NRP1: variants seen among roughly 807,000 people sequenced by gnomAD.
NRP1 encodes the protein neuropilin 1, also known as neuropilin-1.
In NRP1, 35 loss-of-function variants were observed where a neutral mutation model predicts 106.7. The observed-to-expected ratio is 0.33, with a 90% confidence interval of 0.25 to 0.43. The LOEUF (loss-of-function observed/expected upper bound fraction) is 0.43. Among genes scored for constraint, NRP1 ranks in the 20% least tolerant of loss-of-function variants. The pLI is 1.00. For missense variants in NRP1, 1,024 were observed against 1,170.4 expected, an observed-to-expected ratio of 0.87 and a Z score of 1.83; for synonymous variants, 437 against 417.9, an observed-to-expected ratio of 1.05 and a Z score of -0.56.
intron 2 of NRP1, among the ~76,000 whole-genome samples, chr10:33,291,116 C>A (rs1011259523): frequency 7.2e-5 from 11 of 152,138 alleles, no homozygotes; most frequent in African/African-American, 2.4e-4. Flanking sequence ...AGAAAGCAAC[C>A]TTTATTCAGG....
chr10:33,189,214 G>A (rs1836240794), intron 13 of NRP1, among the ~76,000 whole-genome samples: 1 of 151,916 alleles, frequency 6.6e-6, no homozygotes, highest in Non-Finnish European at 1.5e-5. Flanking sequence ...GAAAATGGAA[G>A]GAATCCAATT....
intron 2 of NRP1, among the ~76,000 whole-genome samples, chr10:33,296,804 G>A (rs373291038): frequency 1.3e-5 from 2 of 152,094 alleles, no homozygotes; most frequent in Admixed American, 6.5e-5. Context: ...TGAGGCAGAT[G>A]GATCATCTGA....
At chr10:33,256,661 A>G (rs1001125646) in intron 4 of NRP1, among the ~76,000 whole-genome samples, 190 bp from the exon 5 acceptor site, 4 of 152,226 alleles carry the variant, frequency 2.6e-5, no homozygotes, top group Non-Finnish European at 4.4e-5. Context: ...TTTAAAGTGT[A>G]CTCAGAAGGG....
chr10:33,299,568 CAGG>C (rs1845654944), intron 2 of NRP1, among the ~76,000 whole-genome samples: 1 of 152,118 alleles, frequency 6.6e-6, no homozygotes, highest in Non-Finnish European at 1.5e-5. Context: ...TGCTTGCGGC[CAGG>C]AGGTCAAGAC....
At chr10:33,245,867 C>G (rs889604920) in intron 6 of NRP1, among the ~76,000 whole-genome samples, 1 of 152,086 alleles carries the variant, frequency 6.6e-6, no homozygotes, top group African/African-American at 2.4e-5. Flanking sequence ...CAGTAAGAAA[C>G]CAAAACTGTA....
chr10:33,185,065 C>A (rs867252188), intron 15 of NRP1, among the ~76,000 whole-genome samples: 1 of 152,150 alleles, frequency 6.6e-6, no homozygotes, highest in Non-Finnish European at 1.5e-5. Flanking sequence ...TAGTACAAGA[C>A]CCATAAAGAC....
intron 10 of NRP1, among the ~76,000 whole-genome samples, chr10:33,205,240 C>T (rs1310751389): frequency 6.6e-6 from 1 of 152,184 alleles, no homozygotes; most frequent in South Asian, 2.1e-4. Context: ...AAAGCTTTGA[C>T]ATTACTTTCC....
intron 9 of NRP1, among the ~76,000 whole-genome samples, chr10:33,209,413 C>A (rs747801676): frequency 2.6e-5 from 4 of 152,196 alleles, no homozygotes; most frequent in Admixed American, 6.5e-5. Flanking sequence ...CCTTAACTGG[C>A]GCCCTTAACC....
At position 33,197,903 on chromosome 10, in the gene NRP1, T is replaced by G. The variant is rs11009277; in HGVS notation, c.1865-194A>C. On this transcript the variant is annotated intron_variant, in intron 11 of 16. Coordinates refer to ENST00000374867, the MANE Select transcript of NRP1 (RefSeq NM_003873.7). ...AAATTCAAATAAACCATTATTTTTT[T>G]TTTTTACCTAACGCATTTCTTTTAA... Among the ~76,000 whole-genome samples, 599 of 152,228 alleles carry G rather than the reference T, an allele frequency of 3.9e-3. 4 individuals carry two copies. Among genetic ancestry groups the G allele is most frequent in the African/African-American group, 0.013 (533 of 41,554 alleles).
chr10:33,332,794 T>C (rs1848375565), intron 1 of NRP1, among the ~76,000 whole-genome samples: 1 of 152,192 alleles, frequency 6.6e-6, no homozygotes, highest in Non-Finnish European at 1.5e-5. Context: ...ACTTCAAGCA[T>C]AGCGACATGG....
chr10:33,310,970 G>A lies in NRP1; in HGVS notation c.248+19738C>T, dbSNP rs200507953. Among the ~76,000 whole-genome samples the A allele has an allele frequency of 1.1e-4, 17 of 152,262 alleles. No homozygotes were observed. The East Asian group carries it at 2.9e-3, about 26-fold the overall frequency. ...ACCATAAACCAATTCCAAAAAGTCA[G>A]AGCTGACTTGGTTCAGTCCCCTTTG... On this transcript the variant is annotated intron_variant, in intron 2 of 16. Coordinates refer to ENST00000374867, the MANE Select transcript of NRP1 (RefSeq NM_003873.7).
chr10:33,305,075 A>T (rs1466898747), intron 2 of NRP1, among the ~76,000 whole-genome samples: 1 of 152,248 alleles, frequency 6.6e-6, no homozygotes, highest in African/African-American at 2.4e-5. Context: ...ACTACTCCAT[A>T]GCACATGGGG....
intron 2 of NRP1, among the ~76,000 whole-genome samples, chr10:33,289,616 C>T (rs1280810730): frequency 6.6e-6 from 1 of 152,156 alleles, no homozygotes; most frequent in African/African-American, 2.4e-5. Context: ...GAAATTTGCT[C>T]CACATCAAGT....
chr10:33,184,572 T>C (rs1382263685), intron 15 of NRP1, among the ~76,000 whole-genome samples: 1 of 152,196 alleles, frequency 6.6e-6, no homozygotes, highest in African/African-American at 2.4e-5. Flanking sequence ...GCAGTGTAGA[T>C]ATGGATGTGG....
chr10:33,321,858 A>T (rs984520041), intron 2 of NRP1, among the ~76,000 whole-genome samples: 1 of 152,192 alleles, frequency 6.6e-6, no homozygotes, highest in Non-Finnish European at 1.5e-5. Flanking sequence ...GTGACATAGC[A>T]GTCTATCATA....
chr10:33,185,809 G>T, intron 14 of NRP1, 85 bp from the exon 15 acceptor site: 1 of 1,159,716 alleles, frequency 8.6e-7, no homozygotes, highest in Non-Finnish European at 1.3e-6. Flanking sequence ...CTCCAGCTAC[G>T]GCACATAAAT....
At chr10:33,199,265 T>A (rs572850747) in intron 11 of NRP1, among the ~76,000 whole-genome samples, 1 of 149,986 alleles carries the variant, frequency 6.7e-6, no homozygotes, top group Non-Finnish European at 1.5e-5. Context: ...GGCGCCATCA[T>A]GGCTCACTGT....
rs57582967 is a variant in NRP1, at chr10:33,199,365, T to TTA, written c.1865-1657_1865-1656insTA. ...GTGTGCGCCACCATGCCTGGCTGTT[T>TTA]TCTATATATATATATATATATATAT... On this transcript the variant is annotated intron_variant, in intron 11 of 16. Transcript: ENST00000374867. Among the ~76,000 whole-genome samples the TTA allele has an allele frequency of 3.6e-4, 23 of 64,270 alleles. 2 individuals carry two copies. Among genetic ancestry groups the TTA allele is most frequent in the African/African-American group, 1.2e-3 (23 of 19,446 alleles). 42.2% of individuals were successfully genotyped at this position (64,270 alleles called of 152,430 possible). A position where few individuals can be genotyped will look rare whatever the true frequency, so the allele number is the denominator to read the frequency against.
At chr10:33,317,480 G>A (rs1162296314) in intron 2 of NRP1, among the ~76,000 whole-genome samples, 1 of 152,168 alleles carries the variant, frequency 6.6e-6, no homozygotes, top group Non-Finnish European at 1.5e-5. Context: ...TTTCCCAGCT[G>A]CCTTTCGCTA....
Sources: gnomAD v4.1 joint callset for allele counts (sites outside exome capture counted in the v4.1 genomes callset) on GRCh38, gnomAD v4.1.1 for gene constraint, MANE v1.5 for transcripts, NCBI Gene and HGNC (gene_info 2026-07-23, HGNC 2026-07-21) for gene names.